Variants in SOX5 observed in about 807,000 individuals in gnomAD.
The protein encoded by SOX5 is SRY-box transcription factor 5, also known as transcription factor SOX-5.
A neutral mutation model predicts 92.0 loss-of-function variants in SOX5; 9 were observed. The observed-to-expected ratio is 0.10, with a 90% CI of 0.06 to 0.17. The LOEUF (loss-of-function observed/expected upper bound fraction) is 0.17. SOX5 is among the 10% of genes least tolerant of loss of function. The probability of loss-of-function intolerance (pLI) is 1.00; values close to 1 mark genes in which losing one functional copy is unlikely to be tolerated. For missense variants in SOX5, 642 were observed against 944.5 expected, an observed-to-expected ratio of 0.68 and a Z score of 4.20; for synonymous variants, 344 against 336.3, an observed-to-expected ratio of 1.02 and a Z score of -0.25.
intron 1 of SOX5, among the ~76,000 whole-genome samples, chr12:23,910,886 A>G (rs2097344317): frequency 6.6e-6 from 1 of 152,154 alleles, no homozygotes. Context: ...GTAAACTATT[A>G]TCTATAGTTG....
intron 3 of SOX5, among the ~76,000 whole-genome samples, chr12:24,271,860 G>A (rs565323053): frequency 2.3e-4 from 35 of 152,068 alleles, no homozygotes; most frequent in African/African-American, 7.2e-4. Context: ...CTGAATTAAC[G>A]GAGCTCAATA....
rs140883712 is a variant in SOX5 at position 23,826,922 on chromosome 12, A to G, written c.481+19061T>C. Among the ~76,000 whole-genome samples, 564 of 152,346 alleles carry G rather than the reference A, an allele frequency of 3.7e-3. 6 individuals are homozygous for G. The highest frequency in any genetic ancestry group is 0.013 in the African/African-American group (533 of 41,578). On this transcript the variant is annotated intron_variant, in intron 3 of 14. Transcript: ENST00000451604. The stretch of plus-strand genomic sequence containing the variant: ...TGAAACAGTGAATCAATTCTTAACT[A>G]TTAACACAGTAAATACCATAATAGG...
At chr12:24,389,402 T>C (rs968165103) in intron 1 of SOX5, among the ~76,000 whole-genome samples, 1 of 152,188 alleles carries the variant, frequency 6.6e-6, no homozygotes, top group Admixed American at 6.5e-5. Flanking sequence ...TTGTGAAATT[T>C]TATTGTATGT....
intron 3 of SOX5, among the ~76,000 whole-genome samples, chr12:24,249,806 T>C (rs1208177762): frequency 1.3e-5 from 2 of 152,174 alleles, no homozygotes; most frequent in Non-Finnish European, 2.9e-5. Context: ...TACCAACACA[T>C]TCAAATTAAA....
chr12:24,311,032 C>T (rs1949116439), intron 2 of SOX5, among the ~76,000 whole-genome samples: 1 of 152,186 alleles, frequency 6.6e-6, no homozygotes, highest in Non-Finnish European at 1.5e-5. Context: ...AAGGTCACTT[C>T]TGCCTTTCTC....
At chr12:24,058,886 G>A (rs1232118300) in intron 4 of SOX5, among the ~76,000 whole-genome samples, 1 of 152,116 alleles carries the variant, frequency 6.6e-6, no homozygotes, top group Non-Finnish European at 1.5e-5. Context: ...GCTGCTTCTG[G>A]TGGCAGGACC....
At chr12:23,830,613 C>T (rs1361578727) in intron 3 of SOX5, among the ~76,000 whole-genome samples, 4 of 152,132 alleles carry the variant, frequency 2.6e-5, no homozygotes, top group Non-Finnish European at 5.9e-5. Flanking sequence ...TCCCCTGATC[C>T]GTTCACTTTT....
intron 4 of SOX5, among the ~76,000 whole-genome samples, chr12:24,149,620 A>C (rs1032215669): frequency 2.6e-5 from 4 of 152,190 alleles, no homozygotes; most frequent in Non-Finnish European, 5.9e-5. Context: ...TTTCATAAAA[A>C]GTTATATGTG....
upstream of SOX5, among the ~76,000 whole-genome samples, chr12:23,954,478 AGAAG>A (rs370128614): frequency 8.5e-4 from 129 of 151,718 alleles, no homozygotes; most frequent in South Asian, 0.01. Flanking sequence ...AAAGAAAGAA[AGAAG>A]GAAACTTCCA....
At chr12:24,408,362 A>G (rs1963416673) in intron 1 of SOX5, among the ~76,000 whole-genome samples, 1 of 152,204 alleles carries the variant, frequency 6.6e-6, no homozygotes, top group East Asian at 1.9e-4. Context: ...TGCAGTTACA[A>G]AAAAACACAG....
At chr12:24,039,435 A>T (rs1956324151) in intron 4 of SOX5, among the ~76,000 whole-genome samples, 2 of 152,206 alleles carry the variant, frequency 1.3e-5, no homozygotes. Context: ...AGTTAGATGC[A>T]AAGGGCTGTT....
At chr12:23,638,818 A>G (rs151155847) in intron 8 of SOX5, among the ~76,000 whole-genome samples, 65 of 152,112 alleles carry the variant, frequency 4.3e-4, no homozygotes, top group African/African-American at 1.5e-3. Context: ...CTTCAAAGAA[A>G]AGCCAGGTTC....
intron 1 of SOX5, among the ~76,000 whole-genome samples, chr12:23,940,981 C>T (rs1943525802): frequency 6.6e-6 from 1 of 151,448 alleles, no homozygotes. Flanking sequence ...ATTATATGTT[C>T]CTGTAGCACA....
chr12:24,065,441 C>T (rs555979222), intron 4 of SOX5, among the ~76,000 whole-genome samples: 1 of 152,056 alleles, frequency 6.6e-6, no homozygotes, highest in African/African-American at 2.4e-5. Flanking sequence ...GAGGTCAAGA[C>T]ATCGAGAACA....
At chr12:24,111,490 C>T (rs960796915) in intron 4 of SOX5, among the ~76,000 whole-genome samples, 6 of 152,084 alleles carry the variant, frequency 3.9e-5, no homozygotes, top group African/African-American at 1.4e-4. Context: ...TATTTCAATA[C>T]CTAACAAATT....
At chr12:24,277,010 A>T (rs186474119) in intron 3 of SOX5, among the ~76,000 whole-genome samples, 1 of 152,274 alleles carries the variant, frequency 6.6e-6, no homozygotes, top group Non-Finnish European at 1.5e-5. Flanking sequence ...TAGAGACATT[A>T]CCATCATAAT....
chr12:24,422,463 C>T (rs959891656), intron 1 of SOX5, among the ~76,000 whole-genome samples: 2 of 152,088 alleles, frequency 1.3e-5, no homozygotes, highest in Non-Finnish European at 2.9e-5. Context: ...AAGCAGGTAT[C>T]GAAAAAGTCT....
chr12:23,886,477 C>T (rs532841090), intron 2 of SOX5, among the ~76,000 whole-genome samples: 75 of 152,046 alleles, frequency 4.9e-4, no homozygotes, highest in Admixed American at 3.1e-3. Context: ...TGAGTTACCA[C>T]GTCTTACAGA....
chr12:23,627,769 ATAT>A (rs925448862), intron 8 of SOX5, among the ~76,000 whole-genome samples: 2 of 152,022 alleles, frequency 1.3e-5, no homozygotes, highest in African/African-American at 4.8e-5. Flanking sequence ...TACCATTTAA[ATAT>A]TATTACTTGT....
Sources: gnomAD v4.1 joint callset for allele counts (sites outside exome capture counted in the v4.1 genomes callset) on GRCh38, gnomAD v4.1.1 for gene constraint, MANE v1.5 for transcripts, NCBI Gene and HGNC (gene_info 2026-07-23, HGNC 2026-07-21) for gene names.